The following RNF11 variants were observed in gnomAD, a reference collection of about 807,000 sequenced individuals.
The protein encoded by RNF11 is ring finger protein 11.
In RNF11, 4 loss-of-function variants were observed where a neutral mutation model predicts 15.8. The observed-to-expected ratio is 0.25, with a 90% CI of 0.12 to 0.58. RNF11 has a LOEUF of 0.58. Ranked by LOEUF, RNF11 falls within the 20% of genes least tolerant of loss-of-function variation. The pLI, the probability that RNF11 is intolerant of heterozygous loss-of-function variation, is 0.91. For missense variants in RNF11, 139 were observed against 194.4 expected, an observed-to-expected ratio of 0.71 and a Z score of 1.70; for synonymous variants, 68 against 72.3, an observed-to-expected ratio of 0.94 and a Z score of 0.30.
chr1:51,257,651 T>C (rs918852239), intron 1 of RNF11, among the ~76,000 whole-genome samples: 9 of 151,564 alleles, frequency 5.9e-5, no homozygotes, highest in Admixed American at 2.0e-4. Context: ...AGAGATGGGG[T>C]TTCGCCACAT....
intron 1 of RNF11, among the ~76,000 whole-genome samples, chr1:51,258,541 C>G (rs1035596514): frequency 4.6e-5 from 7 of 152,180 alleles, no homozygotes; most frequent in Non-Finnish European, 7.3e-5. Flanking sequence ...AGTAATGAGA[C>G]TTCTTTAAAA....
chr1:51,262,632 C>G (rs1280656046), intron 1 of RNF11, among the ~76,000 whole-genome samples: 1 of 151,876 alleles, frequency 6.6e-6, no homozygotes, highest in Non-Finnish European at 1.5e-5. Flanking sequence ...ATTGCAATGC[C>G]ACCTCCCAGG....
intron 1 of RNF11, among the ~76,000 whole-genome samples, chr1:51,268,227 G>A (rs1457334639): frequency 6.6e-6 from 1 of 152,074 alleles, no homozygotes; most frequent in Non-Finnish European, 1.5e-5. Flanking sequence ...TTAAAATTAG[G>A]CATGTGTGGT....
rs1308680708 is a variant in RNF11, at chr1:51,272,778, C to A, written c.*1456C>A. The A allele has an allele frequency of 6.6e-6, 1 of 152,042 alleles. No homozygotes were observed. The highest frequency in any genetic ancestry group is 1.5e-5 in the Non-Finnish European group (1 of 67,966). 9.4% of individuals were successfully genotyped at this position (152,042 alleles called of 1,614,324 possible). A position where few individuals can be genotyped will look rare whatever the true frequency, so the allele number is the denominator to read the frequency against. ...TCTCAACCTAACATCAGAAGTGTTTCTTATTATTATTTTATATTGAGTTGA... is the reference window on the plus strand; with the variant it reads ...TCTCAACCTAACATCAGAAGTGTTTATTATTATTATTTTATATTGAGTTGA... On this transcript the variant is annotated 3_prime_UTR_variant, in exon 3 of 3. Coordinates refer to ENST00000242719, the MANE Select transcript of RNF11 (RefSeq NM_014372.5).
Position 51,270,133 on chromosome 1 carries a change from T to G in RNF11, c.293+8T>G, listed in dbSNP as rs1170786096. On this transcript the variant is annotated splice_region_variant and intron_variant, in intron 2 of 2. Transcript: ENST00000242719. ...AGAAAAAAAGATCCGGGAGTAAGTT[T>G]TAATTAATTTGTACATTTCAAAGTT... The G allele has an allele frequency of 6.3e-7, 1 of 1,584,300 alleles. No individual in the cohort carries two copies. Among genetic ancestry groups the G allele is most frequent in the African/African-American group, 1.4e-5 (1 of 73,208 alleles).
chr1:51,265,259 G>C (rs1227556624), intron 1 of RNF11: 2 of 151,760 alleles, frequency 1.3e-5, no homozygotes, highest in Non-Finnish European at 2.9e-5. Flanking sequence ...GGGAGGTGGA[G>C]GTTGTAGTGA....
intron 1 of RNF11, among the ~76,000 whole-genome samples, chr1:51,260,637 T>C (rs545089377): frequency 6.6e-6 from 1 of 152,330 alleles, no homozygotes; most frequent in South Asian, 2.1e-4. Flanking sequence ...TGTTAGTGGG[T>C]GAAAGCTGTT....
chr1:51,264,768 C>T (rs1646947583), intron 1 of RNF11: 1 of 152,196 alleles, frequency 6.6e-6, no homozygotes, highest in South Asian at 2.1e-4. Flanking sequence ...TTCCCCACTG[C>T]ATTGTTTTCG....
chr1:51,239,631 G>C (rs1646819785), intron 1 of RNF11, among the ~76,000 whole-genome samples: 1 of 152,180 alleles, frequency 6.6e-6, no homozygotes, highest in South Asian at 2.1e-4. Flanking sequence ...TCACTTGGCA[G>C]CCTCAAACTC....
rs373907016 is a variant in RNF11 at position 51,251,373 on chromosome 1, C to T, written c.123+14494C>T. ...CCGGCCCCGTCTACGGCTGCGACCC[C>T]GGCCCCGGATGCCACTGCCGAAACC... On this transcript the variant is annotated intron_variant, in intron 1 of 2. Transcript: ENST00000242719. 2,030 of 1,473,410 alleles carry T rather than the reference C, an allele frequency of 1.4e-3. 16 individuals are homozygous for T. The African/African-American group carries it at 0.025, about 18-fold the overall frequency. The allele number at this position is 1,473,410 out of a possible 1,614,324, so 91.3% of individuals were successfully genotyped here. A position where few individuals can be genotyped will look rare whatever the true frequency, so the allele number is the denominator to read the frequency against.
intron 1 of RNF11, among the ~76,000 whole-genome samples, chr1:51,250,139 T>A (rs1646869935): frequency 6.6e-6 from 1 of 152,094 alleles, no homozygotes; most frequent in South Asian, 2.1e-4. Context: ...CAATCTTTAT[T>A]TTTGAAACTT....
rs558185347 is a variant in RNF11, at chr1:51,248,985, T to C, written c.123+12106T>C. Reference sequence around the variant, plus strand: ...TTACATAACATTGTATTAGGTATTATAAGTAATCTAGCGATGATTTAAAGT... The same window carrying C: ...TTACATAACATTGTATTAGGTATTACAAGTAATCTAGCGATGATTTAAAGT... On this transcript the variant is annotated intron_variant, in intron 1 of 2. Coordinates refer to ENST00000242719, the MANE Select transcript of RNF11 (RefSeq NM_014372.5). Among the ~76,000 whole-genome samples the C allele has an allele frequency of 8.5e-5, 13 of 152,342 alleles. No homozygotes were observed. The South Asian group carries it at 2.7e-3, about 32-fold the overall frequency.
rs533083104 is a variant in RNF11 at position 51,251,355 on chromosome 1, C to T, written c.123+14476C>T. 998 of 1,510,506 alleles carry T rather than the reference C, an allele frequency of 6.6e-4. 2 individuals are homozygous for T. In the African/African-American group the frequency reaches 0.012, roughly 18 times the overall value. The allele number at this position is 1,510,506 out of a possible 1,614,324, so 93.6% of individuals were successfully genotyped here. On this transcript the variant is annotated intron_variant, in intron 1 of 2. Coordinates refer to ENST00000242719, the MANE Select transcript of RNF11 (RefSeq NM_014372.5). ...AGCTCCGCGGCCTCGGCCCCGGCCC[C>T]GTCTACGGCTGCGACCCCGGCCCCG...
intron 1 of RNF11, among the ~76,000 whole-genome samples, chr1:51,252,221 A>G (rs972984437): frequency 6.6e-6 from 1 of 152,172 alleles, no homozygotes; most frequent in Non-Finnish European, 1.5e-5. Context: ...TACATGTAAC[A>G]TACAAAATAT....
chr1:51,255,344 T>C (rs1646899674), intron 1 of RNF11, among the ~76,000 whole-genome samples: 1 of 152,190 alleles, frequency 6.6e-6, no homozygotes, highest in Non-Finnish European at 1.5e-5. Context: ...CATTGCAGCC[T>C]CAAACTCTGG....
intron 1 of RNF11, among the ~76,000 whole-genome samples, chr1:51,246,822 A>G (rs1038476418): frequency 2.0e-5 from 3 of 152,066 alleles, no homozygotes; most frequent in African/African-American, 4.8e-5. Flanking sequence ...CCACTGAACT[A>G]TACACTGAAA....
intron 1 of RNF11, among the ~76,000 whole-genome samples, chr1:51,249,337 C>T (rs1489578165): frequency 7.2e-5 from 11 of 152,158 alleles, no homozygotes; most frequent in Non-Finnish European, 1.0e-4. Context: ...CTCAAGTGAT[C>T]TTCCTGCCTC....
chr1:51,242,990 T>C (rs1015889465), intron 1 of RNF11, among the ~76,000 whole-genome samples: 11 of 152,352 alleles, frequency 7.2e-5, no homozygotes, highest in African/African-American at 2.2e-4. Flanking sequence ...AGCCTTCTTA[T>C]TGAGGGGCAG....
At chr1:51,256,433 C>T (rs773602451) in intron 1 of RNF11, among the ~76,000 whole-genome samples, 1 of 152,110 alleles carries the variant, frequency 6.6e-6, no homozygotes, top group Non-Finnish European at 1.5e-5. Context: ...ATTCCATTTG[C>T]ATTGATATAC....
Sources: gnomAD v4.1 joint callset for allele counts (sites outside exome capture counted in the v4.1 genomes callset) on GRCh38, gnomAD v4.1.1 for gene constraint, MANE v1.5 for transcripts, NCBI Gene and HGNC (gene_info 2026-07-23, HGNC 2026-07-21) for gene names.